UBTD2: variants seen among roughly 807,000 people sequenced by gnomAD.
UBTD2 encodes ubiquitin domain-containing protein 2.
Under a neutral mutation model 19.8 loss-of-function variants are expected in UBTD2, and 9 were observed. That is an observed-to-expected ratio of 0.46 (90% confidence interval 0.27 to 0.79). The LOEUF is 0.79. Ranked by LOEUF, UBTD2 falls within the 30% of genes least tolerant of loss-of-function variation. The probability of loss-of-function intolerance (pLI) is 0.14; values close to 1 mark genes in which losing one functional copy is unlikely to be tolerated. For synonymous variants in UBTD2, 98 were observed against 103.9 expected (o/e 0.94, Z 0.35); for missense variants, 250 against 300.4 (o/e 0.83, Z 1.24).
In UBTD2 at chr5:172,258,796, A is replaced by G. The variant is rs943722186; in HGVS notation, c.71-24438T>C. On this transcript the variant is annotated intron_variant, in intron 1 of 2. Transcript: ENST00000393792. The stretch of plus-strand genomic sequence containing the variant: ...TATAGAAATGCTACTGATTTTGTAC[A>G]GTGATTTTGTATCCAGAAACTTTGC... Among the ~76,000 whole-genome samples, 8 of 152,184 alleles carry G rather than the reference A, an allele frequency of 5.3e-5. No individual in the cohort carries two copies. In the East Asian group the frequency reaches 5.8e-4, roughly 11 times the overall value.
chr5:172,232,600 C>T (rs1771923616), intron 2 of UBTD2, among the ~76,000 whole-genome samples: 1 of 152,048 alleles, frequency 6.6e-6, no homozygotes, highest in Admixed American at 6.5e-5. Flanking sequence ...GCAGCTCATG[C>T]TTATAACCTC....
intron 1 of UBTD2, among the ~76,000 whole-genome samples, chr5:172,236,357 T>C (rs751381035): frequency 6.6e-6 from 1 of 152,248 alleles, no homozygotes; most frequent in Non-Finnish European, 1.5e-5. Flanking sequence ...TCAACAAATA[T>C]GTACTGAGTG....
At chr5:172,266,742 G>A (rs1264687564) in intron 1 of UBTD2, among the ~76,000 whole-genome samples, 2 of 152,132 alleles carry the variant, frequency 1.3e-5, no homozygotes, top group East Asian at 3.9e-4. Flanking sequence ...AGTACATTAA[G>A]CAGCCAAAAG....
intron 2 of UBTD2, among the ~76,000 whole-genome samples, chr5:172,218,044 T>C (rs1186666268): frequency 6.6e-6 from 1 of 152,236 alleles, no homozygotes; most frequent in Non-Finnish European, 1.5e-5. Flanking sequence ...CTACACATTT[T>C]TCTCTCAAGT....
At chr5:172,216,269 A>G (rs1581207595) in intron 2 of UBTD2, among the ~76,000 whole-genome samples, 1 of 152,080 alleles carries the variant, frequency 6.6e-6, no homozygotes, top group Non-Finnish European at 1.5e-5. Flanking sequence ...GTATCCAGAA[A>G]CTGTGGGACA....
In UBTD2 at chr5:172,283,517, G is replaced by T; in HGVS notation, c.70+79C>A. 8.8e-7 allele frequency: 1 copy of T among 1,137,770 alleles called. No homozygotes were observed. The highest frequency in any genetic ancestry group is 1.1e-6 in the Non-Finnish European group (1 of 895,948). The allele number at this position is 1,137,770 out of a possible 1,614,324, so 70.5% of individuals were successfully genotyped here. On this transcript the variant is annotated intron_variant, in intron 1 of 2. Coordinates refer to ENST00000393792, the MANE Select transcript of UBTD2 (RefSeq NM_152277.3). The surrounding 1 kb of genome is among the most constrained non-coding windows in gnomAD (Gnocchi z 4.3). The stretch of plus-strand genomic sequence containing the variant: ...CAAAGGGGCGCGGGGGCCCGGCGCG[G>T]CCCGCGGGGGTCGGGACAGGTGGCC...
intron 1 of UBTD2, chr5:172,254,946 G>A (rs540281328): frequency 4.3e-4 from 227 of 524,776 alleles, no homozygotes; most frequent in Non-Finnish European, 7.1e-4. Flanking sequence ...ACCATGAGAG[G>A]CTCCTGGAGG....
intron 1 of UBTD2, among the ~76,000 whole-genome samples, chr5:172,278,728 T>G (rs891652258): frequency 6.6e-6 from 1 of 152,176 alleles, no homozygotes; most frequent in Non-Finnish European, 1.5e-5. Flanking sequence ...ATTACACATT[T>G]AAAAATGGTT....
At chr5:172,260,912 C>G (rs1380366601) in intron 1 of UBTD2, among the ~76,000 whole-genome samples, 1 of 152,166 alleles carries the variant, frequency 6.6e-6, no homozygotes, top group Non-Finnish European at 1.5e-5. Flanking sequence ...CCATCACAAA[C>G]CCAGAGCAGT....
At chr5:172,232,817 G>A (rs908310546) in intron 2 of UBTD2, among the ~76,000 whole-genome samples, 1 of 151,990 alleles carries the variant, frequency 6.6e-6, no homozygotes, top group Non-Finnish European at 1.5e-5. Flanking sequence ...CTGGGAGGTC[G>A]AGGCTGCAAT....
At chr5:172,263,570 G>A (rs537551121) in intron 1 of UBTD2, among the ~76,000 whole-genome samples, 4 of 152,238 alleles carry the variant, frequency 2.6e-5, no homozygotes, top group Admixed American at 6.5e-5. Context: ...TGAGGCAGGC[G>A]GATCACGAGG....
chr5:172,266,671 T>C (rs1755380733), intron 1 of UBTD2, among the ~76,000 whole-genome samples: 1 of 152,192 alleles, frequency 6.6e-6, no homozygotes, highest in Admixed American at 6.6e-5. Flanking sequence ...CTAAGTTGCA[T>C]TTCCAGCTTC....
rs764708956 is a variant in UBTD2 at position 172,234,092 on chromosome 5, T to C, written c.307+30A>G. 3.1e-6 allele frequency: 5 copies of C among 1,603,956 alleles called. No individual in the cohort carries two copies. The South Asian group carries it at 5.5e-5, about 18-fold the overall frequency. On this transcript the variant is annotated intron_variant, in intron 2 of 2. Transcript: ENST00000393792. The stretch of plus-strand genomic sequence containing the variant: ...TATCAGAAACAAAGTTGATTATGTT[T>C]CCTCTGTCCTTGAGGAACACCAAAC...
chr5:172,216,991 A>G (rs1771556825), intron 2 of UBTD2, among the ~76,000 whole-genome samples: 1 of 152,144 alleles, frequency 6.6e-6, no homozygotes, highest in Admixed American at 6.5e-5. Context: ...CACACAAAAC[A>G]AAGACAGAAT....
chr5:172,255,612 C>T (rs1755126179), intron 1 of UBTD2, among the ~76,000 whole-genome samples: 3 of 152,100 alleles, frequency 2.0e-5, no homozygotes, highest in Admixed American at 2.0e-4. Context: ...ATGCAGCAGG[C>T]GCTCTCCCTG....
chr5:172,255,614 C>T (rs1755126329), intron 1 of UBTD2, among the ~76,000 whole-genome samples: 1 of 152,112 alleles, frequency 6.6e-6, no homozygotes, highest in Non-Finnish European at 1.5e-5. Context: ...GCAGCAGGCG[C>T]TCTCCCTGCG....
intron 1 of UBTD2, among the ~76,000 whole-genome samples, chr5:172,241,273 C>T (rs541213860): frequency 2.0e-5 from 3 of 151,900 alleles, no homozygotes; most frequent in African/African-American, 7.2e-5. Context: ...ATTAGCCAGG[C>T]GCAGTGGTGC....
chr5:172,275,467 G>C (rs1453546902), intron 1 of UBTD2, among the ~76,000 whole-genome samples: 2 of 152,112 alleles, frequency 1.3e-5, no homozygotes, highest in African/African-American at 4.8e-5. Context: ...AACCAGATTA[G>C]TTTCACAAGC....
chr5:172,261,735 GTGCCTTAGCCTCC>G (rs1402283942), intron 1 of UBTD2, among the ~76,000 whole-genome samples: 1 of 151,736 alleles, frequency 6.6e-6, no homozygotes, highest in Non-Finnish European at 1.5e-5. Flanking sequence ...AGTGATTCTC[GTGCCTTAGCCTCC>G]TTAGTAGCTG....
Sources: gnomAD v4.1 joint callset for allele counts (sites outside exome capture counted in the v4.1 genomes callset) on GRCh38, gnomAD v4.1.1 for gene constraint, Gnocchi (gnomAD v3.1) non-coding constraint, MANE v1.5 for transcripts, NCBI Gene and HGNC (gene_info 2026-07-23, HGNC 2026-07-21) for gene names.